Variants in OTC observed in about 807,000 individuals in gnomAD.
OTC encodes ornithine transcarbamylase.
In OTC, 3 loss-of-function variants were observed where a neutral mutation model predicts 30.3. The observed-to-expected ratio is 0.10, with a 90% CI of 0.05 to 0.26. OTC has a LOEUF of 0.26. OTC is among the 10% of genes least tolerant of loss of function. The probability of loss-of-function intolerance (pLI) is 1.00; values close to 1 mark genes in which losing one functional copy is unlikely to be tolerated. For synonymous variants in OTC, 111 were observed against 99.7 expected, an observed-to-expected ratio of 1.11 and a Z score of -0.67; for missense variants, 194 against 260.3, an observed-to-expected ratio of 0.75 and a Z score of 1.75.
intron 2 of OTC, among the ~76,000 whole-genome samples, chrX:38,369,515 T>G (rs1430172438): frequency 3.7e-5 from 2 of 54,065 alleles, no homozygotes; most frequent in African/African-American, 2.1e-4. Context: ...TCCAGGCTAA[T>G]TTTTTTTTTT....
upstream of OTC, among the ~76,000 whole-genome samples, chrX:38,348,541 CT>C (rs35261069): frequency 1.2e-4 from 11 of 88,743 alleles, no homozygotes; most frequent in Non-Finnish European, 1.3e-4. Flanking sequence ...CTTTTTTTTT[CT>C]TTTTTTTTTT....
At chrX:38,348,541 C>CTTTT (rs35261069), upstream of OTC, among the ~76,000 whole-genome samples, 17,220 of 88,615 alleles carry the variant, frequency 0.19, 1,675 homozygotes, top group African/African-American at 0.24. Flanking sequence ...CTTTTTTTTT[C>CTTTT]TTTTTTTTTT....
At chrX:38,403,392 A>G (rs900007603) in intron 5 of OTC, among the ~76,000 whole-genome samples, 1 of 111,078 alleles carries the variant, frequency 9.0e-6, no homozygotes, top group African/African-American at 3.3e-5. Flanking sequence ...TCTCTGTTCA[A>G]GTTCATATGG....
the OTC span, among the ~76,000 whole-genome samples, chrX:38,333,296 C>G: frequency 4.6e-5 from 5 of 109,576 alleles, no homozygotes; most frequent in African/African-American, 1.7e-4. Flanking sequence ...AACCCATTGG[C>G]TGGATTTAGT....
intron 5 of OTC, among the ~76,000 whole-genome samples, chrX:38,403,316 G>A: frequency 9.0e-6 from 1 of 111,597 alleles, no homozygotes; most frequent in Non-Finnish European, 1.9e-5. Context: ...GATGTTAATG[G>A]TGCTCATTTG....
In OTC at chrX:38,358,147, T is replaced by G. The variant is rs1205035228; in HGVS notation, c.77+5374T>G. 2.7e-5 allele frequency among the ~76,000 whole-genome samples: 3 copies of G among 111,080 alleles called. No individual in the cohort carries two copies. The Admixed American group carries it at 2.9e-4, about 11-fold the overall frequency. On this transcript the variant is annotated intron_variant, in intron 1 of 9. Coordinates refer to ENST00000039007, the MANE Select transcript of OTC (RefSeq NM_000531.6). ...TGCTTGTGAACCAGAGCAGGCTGCC[T>G]CCTATTGAAGAATGAGGTCTCTAGG...
intron 4 of OTC, among the ~76,000 whole-genome samples, chrX:38,398,265 C>G (rs777917602): frequency 1.8e-5 from 2 of 111,738 alleles, no homozygotes; most frequent in Non-Finnish European, 3.8e-5. Context: ...TAACCTTGCT[C>G]TAATTACTTC....
chrX:38,332,787 A>T, the OTC span, among the ~76,000 whole-genome samples: 1 of 109,987 alleles, frequency 9.1e-6, no homozygotes, highest in South Asian at 3.9e-4. Context: ...TGGGTCAGTC[A>T]GTTGGAGGAT....
At chrX:38,333,306 T>A in the OTC span, among the ~76,000 whole-genome samples, 1 of 110,221 alleles carries the variant, frequency 9.1e-6, no homozygotes, top group Non-Finnish European at 1.9e-5. Context: ...CTGGATTTAG[T>A]GTCATGTGCC....
At chrX:38,385,723 G>C (rs1271564625) in intron 4 of OTC, among the ~76,000 whole-genome samples, 1 of 111,781 alleles carries the variant, frequency 8.9e-6, no homozygotes, top group East Asian at 2.8e-4. Context: ...ACCAAAGAAA[G>C]GAAAGATAAA....
intron 9 of OTC, among the ~76,000 whole-genome samples, chrX:38,415,513 A>T (rs2068566448): frequency 8.9e-6 from 1 of 111,767 alleles, no homozygotes; most frequent in Non-Finnish European, 1.9e-5. Context: ...CAGTAGGCAC[A>T]TATGGCTTTT....
chrX:38,412,063 C>T, intron 9 of OTC, 64 bp downstream of exon 9: 2 of 1,078,542 alleles, frequency 1.9e-6, no homozygotes, highest in Admixed American at 4.4e-5. Context: ...TCATTCATGC[C>T]TTTGGGGAAA....
intron 3 of OTC, among the ~76,000 whole-genome samples, chrX:38,370,353 T>C (rs1278267830): frequency 8.9e-6 from 1 of 112,009 alleles, no homozygotes. Context: ...GGTTAAATCA[T>C]GGAGAGTATC....
At chrX:38,359,205 G>A (rs1316334394) in intron 1 of OTC, among the ~76,000 whole-genome samples, 2 of 111,327 alleles carry the variant, frequency 1.8e-5, no homozygotes, top group Non-Finnish European at 3.8e-5. Flanking sequence ...ATAGTGCTGT[G>A]CTTAGGATCC....
intron 4 of OTC, among the ~76,000 whole-genome samples, chrX:38,400,581 G>A (rs1226141947): frequency 8.9e-6 from 1 of 112,033 alleles, no homozygotes; most frequent in East Asian, 2.8e-4. Flanking sequence ...GAGAGCCTCA[G>A]CCAGTAGCGC....
At chrX:38,361,815 A>G (rs1481054771) in intron 1 of OTC, among the ~76,000 whole-genome samples, 1 of 112,068 alleles carries the variant, frequency 8.9e-6, no homozygotes, top group African/African-American at 3.2e-5. Flanking sequence ...TTCCCTACAC[A>G]TTTACAACTG....
rs1488225008 is a variant in OTC at position 38,411,848 on chromosome X, C to T, written c.868-14C>T. ...TATAATAGTCAAAAAGTGGTCTTAT[C>T]CCCATCTCTTTAGACTGCTAAAGTT... On this transcript the variant is annotated splice_polypyrimidine_tract_variant and intron_variant, in intron 8 of 9. Coordinates refer to ENST00000039007, the MANE Select transcript of OTC (RefSeq NM_000531.6). 1.7e-6 allele frequency: 2 copies of T among 1,208,541 alleles called. No homozygotes were observed. The highest frequency in any genetic ancestry group is 5.9e-5 in the East Asian group (2 of 33,776).
At chrX:38,342,011 C>CT in the OTC span, among the ~76,000 whole-genome samples, 45 of 28,568 alleles carry the variant, frequency 1.6e-3, no homozygotes, top group Non-Finnish European at 2.0e-3. Flanking sequence ...TTAAATTTCA[C>CT]TTTTTTTTTT....
chrX:38,422,005 G>A (rs1024109864), downstream of OTC, among the ~76,000 whole-genome samples: 5 of 111,048 alleles, frequency 4.5e-5, no homozygotes, highest in African/African-American at 1.3e-4. Context: ...TTTCTCTTGC[G>A]GGTGACTAAC....
Sources: gnomAD v4.1 joint callset for allele counts (sites outside exome capture counted in the v4.1 genomes callset) on GRCh38, gnomAD v4.1.1 for gene constraint, MANE v1.5 for transcripts, NCBI Gene and HGNC (gene_info 2026-07-23, HGNC 2026-07-21) for gene names.